The following SUPT3H variants were observed in gnomAD, a reference collection of about 807,000 sequenced individuals.
SUPT3H encodes the protein SPT3 homolog, SAGA and STAGA complex component.
Under a neutral mutation model 44.3 loss-of-function variants are expected in SUPT3H, and 44 were observed. That is an observed-to-expected ratio of 0.99 (90% CI 0.78 to 1.28). SUPT3H has a LOEUF of 1.28. Among genes scored for constraint, SUPT3H ranks in the 50% most tolerant of loss-of-function variants. The pLI, the probability that SUPT3H is intolerant of heterozygous loss-of-function variation, is 0.00. For missense variants in SUPT3H, 380 were observed against 387.1 expected, an observed-to-expected ratio of 0.98 and a Z score of 0.15; for synonymous variants, 124 against 125.6, an observed-to-expected ratio of 0.99 and a Z score of 0.09.
intron 6 of SUPT3H, among the ~76,000 whole-genome samples, chr6:44,985,565 T>G (rs1238363275): frequency 6.6e-6 from 1 of 152,328 alleles, no homozygotes; most frequent in South Asian, 2.1e-4. Context: ...TTAACCCATA[T>G]GCACCTGGAC....
intron 10 of SUPT3H, among the ~76,000 whole-genome samples, chr6:44,903,755 T>C (rs1237819918): frequency 2.6e-5 from 4 of 152,220 alleles, no homozygotes; most frequent in Non-Finnish European, 4.4e-5. Context: ...CCAATATCTG[T>C]GATTAATATT....
At chr6:44,916,588 CATT>C (rs1325835366) in intron 10 of SUPT3H, among the ~76,000 whole-genome samples, 1 of 152,116 alleles carries the variant, frequency 6.6e-6, no homozygotes, top group East Asian at 1.9e-4. Flanking sequence ...GACATAGAAA[CATT>C]AGGGAATTTT....
chr6:44,947,125 T>G (rs1409638501), intron 9 of SUPT3H, among the ~76,000 whole-genome samples: 2 of 152,204 alleles, frequency 1.3e-5, no homozygotes, highest in African/African-American at 4.8e-5. Context: ...ATGTACATGT[T>G]TTAGACATAA....
intron 3 of SUPT3H, among the ~76,000 whole-genome samples, chr6:45,048,216 C>G (rs1232533661): frequency 7.4e-6 from 1 of 134,816 alleles, no homozygotes; most frequent in Non-Finnish European, 1.6e-5. Context: ...AGTTGTCTCT[C>G]TACTCTTTTT....
intron 2 of SUPT3H, among the ~76,000 whole-genome samples, chr6:45,174,629 A>G (rs1031134229): frequency 6.6e-6 from 1 of 152,214 alleles, no homozygotes; most frequent in Non-Finnish European, 1.5e-5. Context: ...CAGCACCTTT[A>G]CAAAATACTC....
At chr6:45,328,223 A>C in intron 2 of SUPT3H, 1 of 1,230,574 alleles carries the variant, frequency 8.1e-7, no homozygotes, top group East Asian at 5.4e-5. Flanking sequence ...ACTTTACTTA[A>C]GAGTACTGTG....
intron 2 of SUPT3H, among the ~76,000 whole-genome samples, chr6:45,186,607 G>T (rs1358903830): frequency 6.6e-6 from 1 of 152,080 alleles, no homozygotes; most frequent in African/African-American, 2.4e-5. Flanking sequence ...ATTTAAAGTA[G>T]AATTAACATC....
At chr6:45,148,824 C>T (rs936118500) in intron 2 of SUPT3H, among the ~76,000 whole-genome samples, 3 of 152,108 alleles carry the variant, frequency 2.0e-5, no homozygotes, top group East Asian at 1.9e-4. Flanking sequence ...GCCATAACCC[C>T]ATTTTCCCGT....
chr6:45,267,788 C>T (rs1413093110), intron 2 of SUPT3H, among the ~76,000 whole-genome samples: 1 of 151,968 alleles, frequency 6.6e-6, no homozygotes, highest in East Asian at 1.9e-4. Context: ...TCTGGAGACA[C>T]CACCATCACC....
intron 2 of SUPT3H, among the ~76,000 whole-genome samples, chr6:45,214,425 C>G (rs1332166840): frequency 7.2e-6 from 1 of 139,846 alleles, no homozygotes; most frequent in South Asian, 2.2e-4. Context: ...GAATTACATA[C>G]AAAAAAAAAT....
rs1364573806 is a variant in SUPT3H at position 44,953,352 on chromosome 6, A to G, written c.759T>C (p.His253=). The part of the protein sequence containing the change: ...MVTKAGDPFS[H]AISATFIQYH... The stretch of plus-strand genomic sequence containing the variant: ...ACTGAATGAAGGTTGCAGAAATGGC[A>G]TGGCTGAAGGGGTCCCCTGCCTTGG... The change falls in exon 9 of 11, where the codon CAT becomes CAC. Residue 253 remains histidine, a synonymous_variant. Coordinates refer to ENST00000371459, the MANE Select transcript of SUPT3H (RefSeq NM_003599.4). 1.2e-6 allele frequency: 2 copies of G among 1,614,160 alleles called. No homozygotes were observed. The highest frequency in any genetic ancestry group is 1.1e-5 in the South Asian group (1 of 91,086).
chr6:45,237,837 TTAAC>T (rs1475541470), intron 2 of SUPT3H, among the ~76,000 whole-genome samples: 1 of 152,202 alleles, frequency 6.6e-6, no homozygotes, highest in Non-Finnish European at 1.5e-5. Context: ...ATGGAGAATG[TTAAC>T]TAACTTAAGA....
At chr6:45,350,048 C>G (rs1287165488) in intron 2 of SUPT3H, among the ~76,000 whole-genome samples, 4 of 152,046 alleles carry the variant, frequency 2.6e-5, no homozygotes, top group Non-Finnish European at 4.4e-5. Flanking sequence ...AAGATACATA[C>G]AATTAAGTCT....
Position 45,183,554 on chromosome 6 carries a change from C to T in SUPT3H, c.102-77548G>A, listed in dbSNP as rs568855659. Among the ~76,000 whole-genome samples, 5 of 152,240 alleles carry T rather than the reference C, an allele frequency of 3.3e-5. No individual in the cohort carries two copies. In the East Asian group the frequency reaches 5.8e-4, roughly 18 times the overall value. On this transcript the variant is annotated intron_variant, in intron 2 of 10. Coordinates refer to ENST00000371459, the MANE Select transcript of SUPT3H (RefSeq NM_003599.4). ...CAAGCTTTTAAACAACCAGCTCTTG[C>T]GTGAACTCAGAGTAAGAACTCGCTT...
At chr6:44,938,089 A>G (rs1223706480) in intron 9 of SUPT3H, among the ~76,000 whole-genome samples, 1 of 146,744 alleles carries the variant, frequency 6.8e-6, no homozygotes, top group Non-Finnish European at 1.5e-5. Flanking sequence ...ATTAAGTCCC[A>G]TTGTCTATTT....
chr6:45,197,940 A>G (rs1469634323), intron 2 of SUPT3H, among the ~76,000 whole-genome samples: 1 of 151,228 alleles, frequency 6.6e-6, no homozygotes, highest in African/African-American at 2.4e-5. Flanking sequence ...TCAGACTGTA[A>G]ACTTACAAAA....
At chr6:45,292,638 A>C (rs1238256832) in intron 2 of SUPT3H, among the ~76,000 whole-genome samples, 1 of 151,418 alleles carries the variant, frequency 6.6e-6, no homozygotes, top group Non-Finnish European at 1.5e-5. Flanking sequence ...AGGGGTGGAA[A>C]AAGACATTTT....
intron 3 of SUPT3H, among the ~76,000 whole-genome samples, chr6:45,091,742 C>T (rs1006207753): frequency 2.0e-5 from 3 of 152,010 alleles, no homozygotes; most frequent in Admixed American, 6.6e-5. Flanking sequence ...ATATTTTTCC[C>T]TTAATTCCTT....
chr6:45,078,806 T>A (rs1795363352), intron 3 of SUPT3H, among the ~76,000 whole-genome samples: 1 of 152,212 alleles, frequency 6.6e-6, no homozygotes, highest in Non-Finnish European at 1.5e-5. Flanking sequence ...TGTTGGTAAA[T>A]ATACGGATAG....
Sources: gnomAD v4.1 joint callset for allele counts (sites outside exome capture counted in the v4.1 genomes callset) on GRCh38, gnomAD v4.1.1 for gene constraint, MANE v1.5 for transcripts, NCBI Gene and HGNC (gene_info 2026-07-23, HGNC 2026-07-21) for gene names.